SAXO1: variants seen among roughly 807,000 people sequenced by gnomAD.
The protein encoded by SAXO1 is 4930500O09Rik.
In SAXO1, 21 loss-of-function variants were observed where a neutral mutation model predicts 17.5. The observed-to-expected ratio is 1.20, with a 90% CI of 0.85 to 1.72. SAXO1 has a LOEUF of 1.72. Ranked by LOEUF, SAXO1 falls within the 40% of genes most tolerant of loss-of-function variation. The pLI is 0.00. For missense variants in SAXO1, 843 were observed against 596.0 expected (o/e 1.41, Z -4.32); for synonymous variants, 274 against 216.5 (o/e 1.27, Z -2.33).
intron 2 of SAXO1, among the ~76,000 whole-genome samples, chr9:18,948,618 T>A (rs1019333210): frequency 6.6e-6 from 1 of 152,122 alleles, no homozygotes; most frequent in African/African-American, 2.4e-5. Context: ...AAGTTTTTGT[T>A]TAGCGAAGCA....
intron 3 of SAXO1, among the ~76,000 whole-genome samples, chr9:18,937,212 G>A (rs1464920562): frequency 6.6e-6 from 1 of 152,230 alleles, no homozygotes; most frequent in Non-Finnish European, 1.5e-5. Context: ...ATTAAGGACT[G>A]ACCCAACCAA....
chr9:19,028,099 G>A (rs746096031), intron 1 of SAXO1: 24 of 1,611,922 alleles, frequency 1.5e-5, no homozygotes, highest in Non-Finnish European at 1.9e-5. Flanking sequence ...GGAGGTCCAG[G>A]CCAAGAAGAA....
intron 1 of SAXO1, among the ~76,000 whole-genome samples, chr9:19,047,555 A>G (rs929836659): frequency 1.3e-5 from 2 of 150,574 alleles, no homozygotes; most frequent in African/African-American, 5.0e-5. Flanking sequence ...TTTGGGCTCA[A>G]CAATGCCAAT....
At chr9:19,018,144 G>A (rs975346340) in intron 1 of SAXO1, among the ~76,000 whole-genome samples, 4 of 151,246 alleles carry the variant, frequency 2.6e-5, no homozygotes, top group African/African-American at 7.3e-5. Flanking sequence ...CTCTAGCTGG[G>A]GCAACAGAGC....
At chr9:18,982,509 T>C (rs900231777) in intron 1 of SAXO1, among the ~76,000 whole-genome samples, 5 of 152,172 alleles carry the variant, frequency 3.3e-5, no homozygotes, top group Non-Finnish European at 7.3e-5. Context: ...AGCTGCTGCC[T>C]CCAGGGTCTT....
chr9:18,975,752 A>G (rs1009820782), intron 1 of SAXO1, among the ~76,000 whole-genome samples: 3 of 152,228 alleles, frequency 2.0e-5, no homozygotes, highest in African/African-American at 7.2e-5. Context: ...AGCCATTGTC[A>G]GAGCACATAT....
At chr9:18,979,011 T>C (rs911430229) in intron 1 of SAXO1, among the ~76,000 whole-genome samples, 8 of 152,196 alleles carry the variant, frequency 5.3e-5, no homozygotes, top group African/African-American at 1.9e-4. Flanking sequence ...TAAAATGGGA[T>C]AGCATCAAAT....
intron 1 of SAXO1, among the ~76,000 whole-genome samples, chr9:19,013,948 T>A (rs565008283): frequency 2.0e-5 from 3 of 152,166 alleles, no homozygotes; most frequent in Admixed American, 2.0e-4. Flanking sequence ...GGCATGTTAG[T>A]CTGTAACAGA....
chr9:18,931,634 C>G (rs1252448416), intron 3 of SAXO1, among the ~76,000 whole-genome samples: 1 of 152,194 alleles, frequency 6.6e-6, no homozygotes, highest in Non-Finnish European at 1.5e-5. Flanking sequence ...TTACATCCCA[C>G]CAGCAACGTA....
intron 1 of SAXO1, among the ~76,000 whole-genome samples, chr9:19,000,297 C>G (rs575505542): frequency 7.0e-6 from 1 of 143,752 alleles, no homozygotes; most frequent in Non-Finnish European, 1.5e-5. Flanking sequence ...GCCGCCCCAC[C>G]CTCTGGGAAG....
rs577800413 is a variant in SAXO1 at position 18,988,476 on chromosome 9, T to C, written c.39-37539A>G. Among the ~76,000 whole-genome samples, 8 of 152,364 alleles carry C rather than the reference T, an allele frequency of 5.3e-5. No homozygotes were observed. The South Asian group carries it at 1.7e-3, about 32-fold the overall frequency. ...ACATTTAGGAATGTCTTTATGTGTA[T>C]GTATTATGTTAAGCTATATGCACAA... is the stretch of plus-strand genomic sequence containing the variant. On this transcript the variant is annotated intron_variant, in intron 1 of 3. Transcript: ENST00000380534.
At chr9:18,987,691 G>C (rs1042915149) in intron 1 of SAXO1, among the ~76,000 whole-genome samples, 7 of 152,030 alleles carry the variant, frequency 4.6e-5, no homozygotes, top group Non-Finnish European at 8.8e-5. Flanking sequence ...TTAAGCTCAG[G>C]AGCTCAAGGC....
upstream of SAXO1, among the ~76,000 whole-genome samples, chr9:19,037,094 C>T (rs1835961762): frequency 6.6e-6 from 1 of 152,184 alleles, no homozygotes; most frequent in Non-Finnish European, 1.5e-5. Context: ...GGGACTGTAA[C>T]CCCTTTGTTT....
intron 3 of SAXO1, among the ~76,000 whole-genome samples, chr9:18,930,266 T>A (rs1219437591): frequency 6.6e-6 from 1 of 152,222 alleles, no homozygotes; most frequent in African/African-American, 2.4e-5. Context: ...GAGGAACCTC[T>A]GCTGTGGGGC....
chr9:19,027,327 G>C, intron 1 of SAXO1: 2 of 799,738 alleles, frequency 2.5e-6, no homozygotes, highest in Non-Finnish European at 4.6e-6. Context: ...TCCAATCCTG[G>C]AGACACTGCC....
At chr9:18,949,999 C>T (rs1831964011) in intron 2 of SAXO1, among the ~76,000 whole-genome samples, 1 of 152,126 alleles carries the variant, frequency 6.6e-6, no homozygotes, top group Non-Finnish European at 1.5e-5. Context: ...CAACTGCACT[C>T]AAAGATGTTT....
At chr9:18,951,284 C>T (rs1832030491) in intron 1 of SAXO1, among the ~76,000 whole-genome samples, 1 of 152,130 alleles carries the variant, frequency 6.6e-6, no homozygotes, top group Non-Finnish European at 1.5e-5. Context: ...GCCCCAGGTC[C>T]TCCCCTGAGG....
At chr9:18,931,418 C>T (rs1025135761) in intron 3 of SAXO1, among the ~76,000 whole-genome samples, 3 of 152,110 alleles carry the variant, frequency 2.0e-5, no homozygotes, top group Admixed American at 6.5e-5. Flanking sequence ...AATTGATGGA[C>T]ATTTTGAGTT....
chr9:19,026,963 G>C (rs1414786666), intron 1 of SAXO1: 1 of 899,632 alleles, frequency 1.1e-6, no homozygotes, highest in African/African-American at 1.6e-5. Flanking sequence ...CCACGGAGGA[G>C]ATCATCCAGC....
Sources: gnomAD v4.1 joint callset for allele counts (sites outside exome capture counted in the v4.1 genomes callset) on GRCh38, gnomAD v4.1.1 for gene constraint, MANE v1.5 for transcripts, NCBI Gene and HGNC (gene_info 2026-07-23, HGNC 2026-07-21) for gene names.